RALGAPA1: variants seen among roughly 807,000 people sequenced by gnomAD.
RALGAPA1 encodes Ral GTPase activating protein catalytic subunit alpha 1.
In RALGAPA1, 52 loss-of-function variants were observed where a neutral mutation model predicts 269.6. The observed-to-expected ratio is 0.19, with a 90% CI of 0.15 to 0.24. RALGAPA1 has a LOEUF of 0.24. Ranked by LOEUF, RALGAPA1 falls within the 10% of genes least tolerant of loss-of-function variation. The pLI is 1.00. For missense variants in RALGAPA1, 1,917 were observed against 3,013.9 expected, an observed-to-expected ratio of 0.64 and a Z score of 8.52; for synonymous variants, 817 against 1,008.3, an observed-to-expected ratio of 0.81 and a Z score of 3.60.
chr14:35,625,235 T>C lies in RALGAPA1; in HGVS notation c.6929+126A>G, dbSNP rs1161821856. ...AGTCCTAAATTTTCCTTAAAAAACTTTTGCTCAGAAAGTTATAAATCAATA... is the reference window on the plus strand; with the variant it reads ...AGTCCTAAATTTTCCTTAAAAAACTCTTGCTCAGAAAGTTATAAATCAATA... On this transcript the variant is annotated intron_variant, in intron 35 of 41. Transcript: ENST00000680220. The C allele has an allele frequency of 6.9e-6, 4 of 576,530 alleles. No homozygotes were observed. The East Asian group carries it at 1.1e-4, about 15-fold the overall frequency. 35.7% of individuals were successfully genotyped at this position (576,530 alleles called of 1,614,324 possible).
chr14:35,678,558 A>C (rs2065154934), intron 21 of RALGAPA1, among the ~76,000 whole-genome samples: 1 of 152,048 alleles, frequency 6.6e-6, no homozygotes, highest in Non-Finnish European at 1.5e-5. Context: ...CCCCCTCCCA[A>C]TCCATTCTCC....
intron 39 of RALGAPA1, among the ~76,000 whole-genome samples, chr14:35,550,043 G>A (rs965204461): frequency 2.0e-5 from 3 of 152,174 alleles, no homozygotes; most frequent in Admixed American, 1.3e-4. Context: ...ACCTTGAAGC[G>A]TTGTTGCTTT....
At position 35,723,190 on chromosome 14, in the gene RALGAPA1, T is replaced by C. The variant is rs780245761; in HGVS notation, c.1941A>G (p.Ser647=). 7 of 1,613,812 alleles carry C rather than the reference T, an allele frequency of 4.3e-6. No homozygotes were observed. The highest frequency in any genetic ancestry group is 1.7e-4 in the Middle Eastern group (1 of 6,060). The change falls in exon 15 of 42, where the codon TCA becomes TCG. Residue 647 remains serine, a synonymous_variant. Coordinates refer to ENST00000680220, the MANE Select transcript of RALGAPA1 (RefSeq NM_001346249.2). ...CCCAATAGGTCAGCGATGACAATAC[T>C]GACAGTAAGTCATCCCAAAGTTCTC... ...ISRELWDDLL[S]VLSSLTYWEE...
At chr14:35,684,015 G>A (rs2065698834) in intron 20 of RALGAPA1, 30 bp from the exon 21 acceptor site, 1 of 1,560,034 alleles carries the variant, frequency 6.4e-7, no homozygotes, top group African/African-American at 1.4e-5. Flanking sequence ...TATTATATGA[G>A]TCCCAATTAC....
intron 39 of RALGAPA1, among the ~76,000 whole-genome samples, chr14:35,554,338 CTTTTTTTTTTTTTTT>C (rs869302363): frequency 4.7e-5 from 4 of 85,760 alleles, no homozygotes; most frequent in Admixed American, 1.2e-4. Context: ...AATACACTTT[CTTTTTTTTTTTTTTT>C]TTTTTTTTTT....
At chr14:35,720,971 A>G (rs74722512) in intron 16 of RALGAPA1, among the ~76,000 whole-genome samples, 3,907 of 152,296 alleles carry the variant, frequency 0.026, 67 homozygotes, top group Middle Eastern at 0.058. Flanking sequence ...CTACCTATTT[A>G]GTGATCAAAG....
At chr14:35,729,516 AG>A (rs1325658702) in intron 12 of RALGAPA1, among the ~76,000 whole-genome samples, 1 of 152,218 alleles carries the variant, frequency 6.6e-6, no homozygotes, top group African/African-American at 2.4e-5. Context: ...TAAGCATAAA[AG>A]GAAGAGTGGG....
At chr14:35,763,871 C>A (rs1487210409) in intron 4 of RALGAPA1, among the ~76,000 whole-genome samples, 2 of 151,870 alleles carry the variant, frequency 1.3e-5, no homozygotes, top group Non-Finnish European at 2.9e-5. Flanking sequence ...GTAGTTGTAA[C>A]AATTAACAGT....
intron 41 of RALGAPA1, among the ~76,000 whole-genome samples, chr14:35,543,094 C>G (rs180677373): frequency 6.6e-6 from 1 of 152,242 alleles, no homozygotes; most frequent in African/African-American, 2.4e-5. Flanking sequence ...TTAGAAAGAA[C>G]ATGGGCATAG....
At chr14:35,547,106 G>A (rs2054530350) in intron 41 of RALGAPA1, among the ~76,000 whole-genome samples, 1 of 151,926 alleles carries the variant, frequency 6.6e-6, no homozygotes, top group African/African-American at 2.4e-5. Context: ...ATTAGAGGAT[G>A]GTTCTTAAAT....
intron 17 of RALGAPA1, among the ~76,000 whole-genome samples, chr14:35,699,849 C>T (rs1191277458): frequency 6.8e-6 from 1 of 147,780 alleles, no homozygotes; most frequent in African/African-American, 2.5e-5. Flanking sequence ...TAAATGTATA[C>T]TACTACTTCT....
chr14:35,565,807 G>A (rs1464647247), intron 39 of RALGAPA1, among the ~76,000 whole-genome samples: 2 of 151,976 alleles, frequency 1.3e-5, no homozygotes, highest in East Asian at 1.9e-4. Context: ...TTTAACATTT[G>A]TATATTCAGA....
intron 2 of RALGAPA1, 58 bp downstream of exon 2, chr14:35,775,577 T>A: frequency 6.6e-7 from 1 of 1,519,518 alleles, no homozygotes. Context: ...CTTTAAGTTA[T>A]GTTTATGACA....
chr14:35,717,559 CTTATT>C (rs1208765220), intron 16 of RALGAPA1, among the ~76,000 whole-genome samples: 5 of 151,982 alleles, frequency 3.3e-5, no homozygotes, highest in Non-Finnish European at 7.4e-5. Flanking sequence ...GAAGTTCCAA[CTTATT>C]TTATTTTTTT....
intron 1 of RALGAPA1, among the ~76,000 whole-genome samples, chr14:35,781,345 G>C (rs1416037187): frequency 6.6e-6 from 1 of 152,102 alleles, no homozygotes; most frequent in East Asian, 1.9e-4. Context: ...CAATGAATGA[G>C]AAGATTGAAT....
chr14:35,742,527 T>C lies in RALGAPA1; in HGVS notation c.1290A>G (p.Arg430=). The C allele has an allele frequency of 6.2e-7, 1 of 1,608,938 alleles. No individual in the cohort carries two copies. The highest frequency in any genetic ancestry group is 8.5e-7 in the Non-Finnish European group (1 of 1,176,294). ...LLPICEAAAM[R]KVVKVYQEWI... ...ATTCTTGATATACTTTTACCACTTTTCTCATAGCTGCTGCTTCACAAATTG... is the reference window on the plus strand; with the variant it reads ...ATTCTTGATATACTTTTACCACTTTCCTCATAGCTGCTGCTTCACAAATTG... Residue 430 remains arginine (R), a synonymous_variant, in exon 11 of 42, where the codon AGA becomes AGG. Coordinates refer to ENST00000680220, the MANE Select transcript of RALGAPA1 (RefSeq NM_001346249.2).
chr14:35,665,830 T>G (rs952331463), intron 26 of RALGAPA1, among the ~76,000 whole-genome samples: 30 of 152,174 alleles, frequency 2.0e-4, no homozygotes, highest in African/African-American at 7.0e-4. Flanking sequence ...CTGGGAATAT[T>G]CAGGTATGTG....
At chr14:35,658,964 A>G (rs568788534) in intron 28 of RALGAPA1, among the ~76,000 whole-genome samples, 174 bp downstream of exon 28, 1 of 152,236 alleles carries the variant, frequency 6.6e-6, no homozygotes, top group East Asian at 1.9e-4. Context: ...AAGAAAGGTT[A>G]GTATTTAAAT....
intron 39 of RALGAPA1, among the ~76,000 whole-genome samples, chr14:35,555,961 A>G (rs1371627775): frequency 6.6e-6 from 1 of 152,230 alleles, no homozygotes; most frequent in Non-Finnish European, 1.5e-5. Context: ...GTTTGTTTAC[A>G]TATTAGTAGA....
Sources: allele counts gnomAD v4.1 joint callset (sites outside exome capture counted in the v4.1 genomes callset), GRCh38; gene constraint gnomAD v4.1.1; transcripts MANE v1.5; gene names NCBI Gene and HGNC (gene_info 2026-07-23, HGNC 2026-07-21).